Variants in PRKN observed in about 807,000 individuals in gnomAD.
The protein encoded by PRKN is E3 ubiquitin-protein ligase parkin.
PRKN carries 56 observed loss-of-function variants against 59.5 expected under a neutral mutation model. The observed-to-expected ratio is 0.94, with a 90% CI of 0.76 to 1.18. The LOEUF is 1.18. Ranked by LOEUF, PRKN falls within the 50% of genes most tolerant of loss-of-function variation. The pLI, the probability that PRKN is intolerant of heterozygous loss-of-function variation, is 0.00. For missense variants in PRKN, 657 were observed against 596.4 expected, an observed-to-expected ratio of 1.10 and a Z score of -1.06; for synonymous variants, 250 against 222.1, an observed-to-expected ratio of 1.13 and a Z score of -1.12.
chr6:161,990,829 C>T (rs908511559), intron 5 of PRKN, among the ~76,000 whole-genome samples: 2 of 152,070 alleles, frequency 1.3e-5, no homozygotes, highest in Admixed American at 6.6e-5. Flanking sequence ...CATGGAAAGC[C>T]TATTTAACAA....
chr6:162,303,817 A>T (rs116087090), intron 2 of PRKN, among the ~76,000 whole-genome samples: 2,071 of 152,244 alleles, frequency 0.014, 50 homozygotes, highest in African/African-American at 0.046. Context: ...AAGCTCAGGA[A>T]GAGTAAGCTG....
At chr6:162,206,700 G>A (rs528084710) in intron 3 of PRKN, among the ~76,000 whole-genome samples, 55 of 152,242 alleles carry the variant, frequency 3.6e-4, no homozygotes, top group African/African-American at 1.1e-3. Flanking sequence ...TTCTGGACCC[G>A]GGACAGGGAT....
intron 7 of PRKN, among the ~76,000 whole-genome samples, chr6:161,780,030 A>C (rs1420976153): frequency 4.6e-5 from 7 of 152,244 alleles, no homozygotes; most frequent in Non-Finnish European, 8.8e-5. Context: ...CAACCAAAAT[A>C]ACAAAAGCCA....
chr6:162,458,683 T>C (rs1227400174), intron 1 of PRKN, among the ~76,000 whole-genome samples: 2 of 151,220 alleles, frequency 1.3e-5, no homozygotes, highest in African/African-American at 4.8e-5. Context: ...TGTAACTTTA[T>C]CTCTTTTTTT....
At chr6:161,673,155 G>T (rs1019132130) in intron 7 of PRKN, among the ~76,000 whole-genome samples, 1 of 152,106 alleles carries the variant, frequency 6.6e-6, no homozygotes, top group African/African-American at 2.4e-5. Context: ...AGAGTGAATC[G>T]TAGGGAGATG....
At chr6:162,011,890 A>G (rs1782736182) in intron 5 of PRKN, among the ~76,000 whole-genome samples, 1 of 72,470 alleles carries the variant, frequency 1.4e-5, no homozygotes, top group African/African-American at 8.9e-5. Flanking sequence ...ATTGTACTAT[A>G]AATGCTGTGA....
At chr6:161,717,979 C>A (rs1045114250) in intron 7 of PRKN, among the ~76,000 whole-genome samples, 54 of 152,130 alleles carry the variant, frequency 3.5e-4, no homozygotes, top group African/African-American at 1.2e-3. Context: ...GTGTTTCCAG[C>A]AAAACAGACG....
rs538297981 is a variant in PRKN, at chr6:161,578,025, A to C, written c.872-8609T>G. On this transcript the variant is annotated intron_variant, in intron 7 of 11. Coordinates refer to ENST00000366898, the MANE Select transcript of PRKN (RefSeq NM_004562.3). This position sits in a 1 kb window ranked among gnomAD's most constrained non-coding sequence, Gnocchi z 4.2. ...AGGGGCCATAGAGAAATCATAAATG[A>C]ATCAGACAGGGATTCTGCCTTCCTG... Among the ~76,000 whole-genome samples the C allele has an allele frequency of 6.6e-6, 1 of 152,346 alleles. No individual in the cohort carries two copies. Among genetic ancestry groups the C allele is most frequent in the South Asian group, 2.1e-4 (1 of 4,822 alleles).
intron 6 of PRKN, among the ~76,000 whole-genome samples, chr6:161,889,362 CT>C (rs148751061): frequency 0.017 from 2,640 of 152,320 alleles, 71 homozygotes; most frequent in African/African-American, 0.061. Context: ...CCAGATGTCC[CT>C]TATTGAGTAA....
chr6:161,992,636 C>T (rs547864660), intron 5 of PRKN, among the ~76,000 whole-genome samples: 50 of 152,268 alleles, frequency 3.3e-4, no homozygotes, highest in African/African-American at 1.2e-3. Context: ...TATTATTAAG[C>T]TGCAGAATAC....
intron 3 of PRKN, among the ~76,000 whole-genome samples, chr6:162,236,631 CA>C (rs59445175): frequency 0.69 from 100,712 of 146,856 alleles, 34,917 homozygotes; most frequent in Admixed American, 0.77. Flanking sequence ...ACTAAAAATA[CA>C]AAAAAAAAAA....
At chr6:161,684,813 G>A (rs1281082002) in intron 7 of PRKN, among the ~76,000 whole-genome samples, 1 of 150,680 alleles carries the variant, frequency 6.6e-6, no homozygotes, top group Non-Finnish European at 1.5e-5. Context: ...AAACATTCCT[G>A]TGCAGCATTT....
intron 7 of PRKN, among the ~76,000 whole-genome samples, chr6:161,595,336 T>G (rs1161309991): frequency 1.3e-5 from 2 of 151,804 alleles, no homozygotes; most frequent in Non-Finnish European, 2.9e-5. Context: ...GGGCGAGATG[T>G]AGGAATTTCA....
At chr6:162,036,286 T>C (rs1783844490) in intron 5 of PRKN, among the ~76,000 whole-genome samples, 1 of 151,640 alleles carries the variant, frequency 6.6e-6, no homozygotes, top group Non-Finnish European at 1.5e-5. Flanking sequence ...ATCACGCCAC[T>C]GCACTCCAGC....
chr6:162,463,187 G>A (rs1437132639), intron 1 of PRKN, among the ~76,000 whole-genome samples: 2 of 152,046 alleles, frequency 1.3e-5, no homozygotes, highest in African/African-American at 2.4e-5. Flanking sequence ...AACTCTCCTT[G>A]TAGTTTCCTC....
At chr6:162,301,099 CAT>C (rs1315926287) in intron 2 of PRKN, among the ~76,000 whole-genome samples, 1 of 151,738 alleles carries the variant, frequency 6.6e-6, no homozygotes, top group African/African-American at 2.4e-5. Flanking sequence ...ATTGTATACA[CAT>C]ATATCAACAT....
chr6:162,327,982 G>A (rs1371277696), intron 2 of PRKN, among the ~76,000 whole-genome samples: 19 of 152,080 alleles, frequency 1.2e-4, no homozygotes, highest in Admixed American at 1.2e-3. Context: ...GATGGGCATG[G>A]GCATTTACGT....
intron 1 of PRKN, among the ~76,000 whole-genome samples, chr6:162,591,972 A>C (rs924028709): frequency 6.6e-6 from 1 of 151,622 alleles, no homozygotes; most frequent in South Asian, 2.1e-4. Flanking sequence ...GTTTACAAAG[A>C]GTCTTCAAAA....
At chr6:162,170,895 T>A (rs1004377883) in intron 4 of PRKN, among the ~76,000 whole-genome samples, 1 of 151,286 alleles carries the variant, frequency 6.6e-6, no homozygotes, top group Non-Finnish European at 1.5e-5. Flanking sequence ...TCATATTCAA[T>A]AAATTTAATA....
Sources: allele counts gnomAD v4.1 joint callset (sites outside exome capture counted in the v4.1 genomes callset), GRCh38; gene constraint gnomAD v4.1.1; non-coding constraint Gnocchi (gnomAD v3.1); transcripts MANE v1.5; gene names NCBI Gene and HGNC (gene_info 2026-07-23, HGNC 2026-07-21).